The following RNF38 variants were observed in gnomAD, a reference collection of about 807,000 sequenced individuals.
RNF38 encodes the protein ring finger protein 38, also known as E3 ubiquitin-protein ligase RNF38.
RNF38 carries 15 observed loss-of-function variants against 67.2 expected under a neutral mutation model. The ratio of observed to expected loss-of-function variants is 0.22; its 90% CI spans 0.15 to 0.34. The LOEUF is 0.34. Ranked by LOEUF, RNF38 falls within the 10% of genes least tolerant of loss-of-function variation. The probability of loss-of-function intolerance (pLI) is 1.00; values close to 1 mark genes in which losing one functional copy is unlikely to be tolerated. For synonymous variants in RNF38, 220 were observed against 218.8 expected, an observed-to-expected ratio of 1.01 and a Z score of -0.05; for missense variants, 524 against 639.9, an observed-to-expected ratio of 0.82 and a Z score of 1.95.
chr9:36,417,602 C>T (rs1243110198), intron 2 of RNF38, among the ~76,000 whole-genome samples: 1 of 152,146 alleles, frequency 6.6e-6, no homozygotes, highest in Non-Finnish European at 1.5e-5. Context: ...AACTCCACTT[C>T]TGGGTTCAAG....
chr9:36,401,355 G>A (rs2480463), upstream of RNF38, among the ~76,000 whole-genome samples: 98,365 of 150,476 alleles, frequency 0.65, 32,086 homozygotes, highest in South Asian at 0.67. Context: ...AATTCCTATA[G>A]ATTTTCTCTT....
chr9:36,438,444 G>A (rs1300852105), intron 1 of RNF38, among the ~76,000 whole-genome samples: 1 of 151,774 alleles, frequency 6.6e-6, no homozygotes, highest in East Asian at 1.9e-4. Context: ...ATCAGCAATC[G>A]TTAGTGTTAG....
chr9:36,481,016 C>CTTTT (rs1160092271), intron 1 of RNF38, among the ~76,000 whole-genome samples: 1 of 136,192 alleles, frequency 7.3e-6, no homozygotes, highest in Non-Finnish European at 1.6e-5. Context: ...TCTTCTCTTT[C>CTTTT]TTTTTTTTTT....
intron 1 of RNF38, among the ~76,000 whole-genome samples, chr9:36,464,563 T>G (rs1839816486): frequency 6.8e-6 from 1 of 147,862 alleles, no homozygotes; most frequent in Non-Finnish European, 1.5e-5. Flanking sequence ...AGAGTGAGAC[T>G]CCGTCTCAAA....
chr9:36,475,602 G>A (rs192039111), intron 1 of RNF38, among the ~76,000 whole-genome samples: 1,695 of 151,468 alleles, frequency 0.011, 29 homozygotes, highest in African/African-American at 0.039. Context: ...CAGATGATCC[G>A]CCACCTTGGC....
chr9:36,449,572 A>C (rs2134328654), intron 1 of RNF38, among the ~76,000 whole-genome samples: 1 of 152,208 alleles, frequency 6.6e-6, no homozygotes, highest in South Asian at 2.1e-4. Context: ...AGTAGATAGG[A>C]CTACAGGCGC....
intron 1 of RNF38, among the ~76,000 whole-genome samples, chr9:36,399,138 TCTC>T (rs1372780071): frequency 3.3e-5 from 5 of 152,306 alleles, no homozygotes; most frequent in South Asian, 4.1e-4. Flanking sequence ...TAGAGAAAAT[TCTC>T]CTCAATATTC....
chr9:36,353,266 A>T lies in RNF38; in HGVS notation c.975T>A (p.Thr325=). 1.2e-6 allele frequency: 2 copies of T among 1,612,946 alleles called. No individual in the cohort carries two copies. The highest frequency in any genetic ancestry group is 8.5e-7 in the Non-Finnish European group (1 of 1,179,100). ...LGEHLPVGGF[T]YPPSAHPPTL... ...TTGGGGGGTGGGCTGATGGAGGGTA[A>T]GTAAAACCTCCTACTGGAAGATGTT... is the stretch of plus-strand genomic sequence containing the variant. The change falls in exon 7 of 12, where the codon ACT becomes ACA. Residue 325 remains threonine, a synonymous_variant. Transcript: ENST00000259605.
chr9:36,433,238 A>G (rs1384909137), intron 1 of RNF38, among the ~76,000 whole-genome samples: 2 of 151,968 alleles, frequency 1.3e-5, no homozygotes, highest in African/African-American at 2.4e-5. Context: ...TATAGTCAAC[A>G]TAAGTTTAAT....
At chr9:36,391,913 C>G (rs751096681) in intron 1 of RNF38, among the ~76,000 whole-genome samples, 5 of 152,092 alleles carry the variant, frequency 3.3e-5, no homozygotes, top group Non-Finnish European at 5.9e-5. Flanking sequence ...GCGCCCGGCC[C>G]GTTTCCTACT....
intron 1 of RNF38, among the ~76,000 whole-genome samples, chr9:36,399,168 G>C (rs1339934179): frequency 6.6e-6 from 1 of 152,110 alleles, no homozygotes; most frequent in East Asian, 1.9e-4. Flanking sequence ...AGTAATACTT[G>C]ACAATTTAAC....
At chr9:36,402,795 C>T (rs761841126), upstream of RNF38, among the ~76,000 whole-genome samples, 18 of 152,164 alleles carry the variant, frequency 1.2e-4, no homozygotes, top group Non-Finnish European at 2.5e-4. Flanking sequence ...CAAATGGTTA[C>T]GATCTTCAAC....
chr9:36,484,275 T>C (rs745876674), intron 1 of RNF38, among the ~76,000 whole-genome samples: 6 of 152,158 alleles, frequency 3.9e-5, no homozygotes, highest in Non-Finnish European at 5.9e-5. Flanking sequence ...CTACCGCAAC[T>C]ATCAGCAGTT....
At chr9:36,356,985 T>TAC in intron 5 of RNF38, among the ~76,000 whole-genome samples, 1 of 152,210 alleles carries the variant, frequency 6.6e-6, no homozygotes, top group Admixed American at 6.5e-5. Context: ...CCTGAGTAAA[T>TAC]TAATCTGTTA....
At chr9:36,372,726 T>A (rs967175736) in intron 3 of RNF38, 31 of 461,058 alleles carry the variant, frequency 6.7e-5, no homozygotes, top group Non-Finnish European at 1.1e-4. Context: ...AGGACCATGA[T>A]GCTTTTCAAA....
At chr9:36,377,735 T>C (rs1835890946) in intron 2 of RNF38, among the ~76,000 whole-genome samples, 1 of 152,204 alleles carries the variant, frequency 6.6e-6, no homozygotes, top group Non-Finnish European at 1.5e-5. Context: ...GCATATAACG[T>C]ACACACATCC....
rs116342697 is a variant in RNF38 at position 36,415,625 on chromosome 9, C to T, written n.312+8988G>A. On this transcript the variant is annotated intron_variant and non_coding_transcript_variant, in intron 2 of 3. Transcript: ENST00000488058. ...AGCCACCTAGTAGAGCTACTGGGGT[C>T]CGGGCTGGTACTGGGGAGTGTCTGC... Among the ~76,000 whole-genome samples the T allele has an allele frequency of 8.0e-3, 1,214 of 152,172 alleles. 20 individuals carry two copies. The highest frequency in any genetic ancestry group is 0.027 in the African/African-American group (1,131 of 41,498).
chr9:36,353,247 G>C lies in RNF38; in HGVS notation c.994C>G (p.Pro332Ala). The change falls in exon 7 of 12, where the codon CCC (proline) becomes GCC (alanine). Residue 332 changes from proline (P) to alanine (A), a missense_variant. This residue lies in a region of RNF38 where 461 missense variants were observed against 517.4 expected (regional missense o/e 0.89). Coordinates refer to ENST00000259605, the MANE Select transcript of RNF38 (RefSeq NM_022781.5). ...GGFTYPPSAHPPTLPPSAPLQ... is the reference protein window; with the variant it reads ...GGFTYPPSAHAPTLPPSAPLQ... Reference sequence around the variant, plus strand: ...GGAGCTGATGGAGGTAATGTTGGGGGGTGGGCTGATGGAGGGTAAGTAAAA... The same window carrying C: ...GGAGCTGATGGAGGTAATGTTGGGGCGTGGGCTGATGGAGGGTAAGTAAAA... 6.2e-7 allele frequency: 1 copy of C among 1,612,776 alleles called. No individual in the cohort carries two copies. The highest frequency in any genetic ancestry group is 8.5e-7 in the Non-Finnish European group (1 of 1,178,894).
At chr9:36,401,128 G>C, upstream of RNF38, 1 of 984,992 alleles carries the variant, frequency 1.0e-6, no homozygotes. Flanking sequence ...GACCACCGGA[G>C]CGCTCCTCCC....
Sources: gnomAD v4.1 joint callset for allele counts (sites outside exome capture counted in the v4.1 genomes callset) on GRCh38, gnomAD v4.1.1 for gene constraint, gnomAD v4.1.1 regional missense constraint, MANE v1.5 for transcripts, NCBI Gene and HGNC (gene_info 2026-07-23, HGNC 2026-07-21) for gene names.